Variants in ERC2 observed in about 807,000 individuals in gnomAD.
The protein encoded by ERC2 is ELKS/RAB6-interacting/CAST family member 2, also known as ERC protein 2.
Under a neutral mutation model 114.8 loss-of-function variants are expected in ERC2, and 42 were observed. The observed-to-expected ratio is 0.37, with a 90% CI of 0.29 to 0.47. ERC2 has a LOEUF of 0.47. ERC2 is among the 20% of genes least tolerant of loss of function. The probability of loss-of-function intolerance (pLI) is 0.99; values close to 1 mark genes in which losing one functional copy is unlikely to be tolerated. For missense variants in ERC2, 939 were observed against 1,150.7 expected (o/e 0.82, Z 2.66); for synonymous variants, 454 against 425.5 (o/e 1.07, Z -0.82).
At chr3:56,377,638 A>G (rs562370005) in intron 2 of ERC2, among the ~76,000 whole-genome samples, 1 of 152,352 alleles carries the variant, frequency 6.6e-6, no homozygotes, top group South Asian at 2.1e-4. Flanking sequence ...CCCAAAAAAG[A>G]TAACAAATGG....
intron 9 of ERC2, among the ~76,000 whole-genome samples, chr3:56,008,865 C>T (rs768935890): frequency 4.6e-5 from 7 of 152,188 alleles, no homozygotes; most frequent in Non-Finnish European, 8.8e-5. Context: ...ACCTTCCAGT[C>T]GGCTTTTGCT....
intron 3 of ERC2, among the ~76,000 whole-genome samples, chr3:56,220,110 C>T (rs2049799977): frequency 2.0e-5 from 3 of 152,150 alleles, no homozygotes; most frequent in Admixed American, 2.0e-4. Context: ...GTCACAGTGT[C>T]AGTAATTGCC....
chr3:55,955,432 CTTTA>C lies in ERC2; in HGVS notation c.2268-4876_2268-4873del, dbSNP rs537485660. On this transcript the variant is annotated intron_variant, in intron 12 of 17. Coordinates refer to ENST00000288221, the MANE Select transcript of ERC2 (RefSeq NM_015576.3). The stretch of plus-strand genomic sequence containing the variant: ...TCCCAGAAGTGATCACTACTCTAAT[CTTTA>C]TTTATATGGATTTCTTTTGTTTACT... Among the ~76,000 whole-genome samples the C allele has an allele frequency of 6.6e-5, 10 of 152,262 alleles. No homozygotes were observed. The South Asian group carries it at 2.1e-3, about 32-fold the overall frequency.
intron 17 of ERC2, among the ~76,000 whole-genome samples, chr3:55,554,182 C>T (rs1347418377): frequency 6.6e-6 from 1 of 152,046 alleles, no homozygotes; most frequent in East Asian, 1.9e-4. Context: ...GACTATCTTA[C>T]CATCCATGAA....
intron 3 of ERC2, among the ~76,000 whole-genome samples, chr3:56,196,493 CTTT>C (rs58861980): frequency 8.3e-5 from 10 of 120,670 alleles, no homozygotes; most frequent in Admixed American, 8.3e-5. Context: ...TTCTTGCCTT[CTTT>C]TTTTTTTTTT....
intron 17 of ERC2, among the ~76,000 whole-genome samples, chr3:55,548,593 C>G (rs1559633844): frequency 6.6e-6 from 1 of 152,208 alleles, no homozygotes; most frequent in East Asian, 1.9e-4. Flanking sequence ...CAGCAAGGAG[C>G]TAAGCATGGC....
chr3:55,892,930 A>T (rs1047222754), intron 13 of ERC2, among the ~76,000 whole-genome samples: 2 of 152,114 alleles, frequency 1.3e-5, no homozygotes, highest in African/African-American at 4.8e-5. Context: ...CTTAACCCCC[A>T]AGATGATGGC....
At chr3:55,856,116 C>T (rs879548287) in intron 14 of ERC2, among the ~76,000 whole-genome samples, 19 of 152,300 alleles carry the variant, frequency 1.2e-4, no homozygotes, top group Admixed American at 7.2e-4. Flanking sequence ...ACAGACAGAA[C>T]GGATTCTCTT....
chr3:56,343,444 T>C (rs953089531), intron 2 of ERC2, among the ~76,000 whole-genome samples: 44 of 151,352 alleles, frequency 2.9e-4, no homozygotes, highest in Admixed American at 2.2e-3. Flanking sequence ...AGTAGGAGGA[T>C]TGCTTCAAAA....
intron 14 of ERC2, among the ~76,000 whole-genome samples, chr3:55,829,903 A>G (rs2060497219): frequency 6.6e-6 from 1 of 152,230 alleles, no homozygotes; most frequent in African/African-American, 2.4e-5. Context: ...TTGAAGAAAA[A>G]ATAATAACTG....
chr3:56,331,163 C>T lies in ERC2; in HGVS notation c.658-34728G>A, dbSNP rs1049184434. 5.3e-5 allele frequency among the ~76,000 whole-genome samples: 8 copies of T among 152,308 alleles called. No homozygotes were observed. In the East Asian group the frequency reaches 1.5e-3, roughly 29 times the overall value. ...CTGTCCTTGCCAGGTCTGCACAGCT[C>T]AGTCTTAGCAAGAATCTCACAAAGT... On this transcript the variant is annotated intron_variant, in intron 2 of 17. Coordinates refer to ENST00000288221, the MANE Select transcript of ERC2 (RefSeq NM_015576.3).
intron 14 of ERC2, among the ~76,000 whole-genome samples, chr3:55,887,876 T>C (rs886486154): frequency 1.3e-5 from 2 of 152,244 alleles, no homozygotes; most frequent in African/African-American, 4.8e-5. Context: ...CCTATTTTTA[T>C]AAGCCCAGCA....
intron 5 of ERC2, among the ~76,000 whole-genome samples, chr3:56,141,398 G>A (rs1448735486): frequency 6.6e-6 from 1 of 152,158 alleles, no homozygotes; most frequent in Non-Finnish European, 1.5e-5. Flanking sequence ...CCCACTGGAA[G>A]CCAGCCACCA....
chr3:55,993,724 G>T (rs2071263380), intron 10 of ERC2, among the ~76,000 whole-genome samples: 1 of 150,400 alleles, frequency 6.6e-6, no homozygotes, highest in East Asian at 1.9e-4. Flanking sequence ...ACACTATCAG[G>T]TACTGGTTTA....
intron 14 of ERC2, among the ~76,000 whole-genome samples, chr3:55,743,307 C>T (rs1288343598): frequency 9.4e-6 from 1 of 106,780 alleles, no homozygotes; most frequent in African/African-American, 4.2e-5. Flanking sequence ...CTCTCAAGTG[C>T]CAACGTCATG....
At chr3:55,746,424 G>A (rs887697046) in intron 14 of ERC2, among the ~76,000 whole-genome samples, 23 of 152,058 alleles carry the variant, frequency 1.5e-4, no homozygotes, top group African/African-American at 4.8e-4. Flanking sequence ...AGTAGAGACG[G>A]GGTTTCACCA....
intron 7 of ERC2, among the ~76,000 whole-genome samples, chr3:56,055,820 C>T (rs1232083493): frequency 6.6e-6 from 1 of 152,346 alleles, no homozygotes; most frequent in East Asian, 1.9e-4. Flanking sequence ...CACTTGCATG[C>T]CCTCATGCTG....
chr3:55,660,514 A>T (rs2061081307), intron 17 of ERC2, among the ~76,000 whole-genome samples: 1 of 147,304 alleles, frequency 6.8e-6, no homozygotes, highest in Non-Finnish European at 1.5e-5. Flanking sequence ...TGACCATCCA[A>T]ATTTGATTTT....
At chr3:55,813,111 T>C (rs1388023096) in intron 14 of ERC2, among the ~76,000 whole-genome samples, 1 of 152,198 alleles carries the variant, frequency 6.6e-6, no homozygotes, top group Admixed American at 6.5e-5. Context: ...ACCTTGCTAA[T>C]GTCCTATGGA....
Sources: gnomAD v4.1 joint callset for allele counts (sites outside exome capture counted in the v4.1 genomes callset) on GRCh38, gnomAD v4.1.1 for gene constraint, MANE v1.5 for transcripts, NCBI Gene and HGNC (gene_info 2026-07-23, HGNC 2026-07-21) for gene names.